The following DPYD variants were observed in gnomAD, a reference collection of about 807,000 sequenced individuals.
The protein encoded by DPYD is dihydropyrimidine dehydrogenase.
A neutral mutation model predicts 116.2 loss-of-function variants in DPYD; 109 were observed. The observed-to-expected ratio is 0.94, with a 90% confidence interval of 0.80 to 1.10. The LOEUF (loss-of-function observed/expected upper bound fraction) is 1.10, where lower values mean the gene tolerates loss of function less well. DPYD is among the 50% of genes least tolerant of loss of function. The pLI, the probability that DPYD is intolerant of heterozygous loss-of-function variation, is 0.00. For synonymous variants in DPYD, 440 were observed against 432.0 expected (o/e 1.02, Z -0.23); for missense variants, 1,302 against 1,254.5 (o/e 1.04, Z -0.57).
chr1:97,594,964 G>A, intron 9 of DPYD, 95 bp downstream of exon 9: 1 of 1,000,112 alleles, frequency 1.0e-6, no homozygotes, highest in South Asian at 1.4e-5. Flanking sequence ...GGGTGTGAGA[G>A]CTGAACAATG....
chr1:97,388,844 G>C (rs1306805312), intron 14 of DPYD, among the ~76,000 whole-genome samples: 1 of 151,996 alleles, frequency 6.6e-6, no homozygotes, highest in Non-Finnish European at 1.5e-5. Context: ...AAAATGATTT[G>C]GGAAAGAGAA....
At chr1:97,472,574 T>C (rs1677722966) in intron 13 of DPYD, among the ~76,000 whole-genome samples, 4 of 152,240 alleles carry the variant, frequency 2.6e-5, no homozygotes, top group Non-Finnish European at 5.9e-5. Flanking sequence ...GCCAGGGCAC[T>C]AATTGACAGC....
At chr1:97,494,390 T>C (rs1679136968) in intron 13 of DPYD, among the ~76,000 whole-genome samples, 1 of 152,114 alleles carries the variant, frequency 6.6e-6, no homozygotes, top group South Asian at 2.1e-4. Flanking sequence ...TTTAGCATGA[T>C]AGAACTGAAA....
intron 16 of DPYD, among the ~76,000 whole-genome samples, chr1:97,372,746 A>G (rs961834204): frequency 1.3e-5 from 2 of 148,604 alleles, no homozygotes; most frequent in Admixed American, 6.7e-5. Context: ...ACTTGAGAGA[A>G]AAAAAAAAAG....
At chr1:97,547,322 G>A (rs1650973107) in intron 12 of DPYD, among the ~76,000 whole-genome samples, 1 of 152,138 alleles carries the variant, frequency 6.6e-6, no homozygotes, top group Non-Finnish European at 1.5e-5. Context: ...AGGAGGCAAA[G>A]TAGGGAACCA....
intron 2 of DPYD, among the ~76,000 whole-genome samples, chr1:97,878,763 A>G (rs1672040548): frequency 6.6e-6 from 1 of 151,954 alleles, no homozygotes. Context: ...CTGATCATTA[A>G]AACGCCTTAA....
chr1:97,210,394 A>G (rs1659958866), intron 19 of DPYD, among the ~76,000 whole-genome samples: 1 of 152,132 alleles, frequency 6.6e-6, no homozygotes. Flanking sequence ...TATTTCTGAG[A>G]ATGACAAGAG....
intron 20 of DPYD, among the ~76,000 whole-genome samples, chr1:97,134,769 C>T (rs1450886068): frequency 6.6e-6 from 1 of 152,056 alleles, no homozygotes; most frequent in African/African-American, 2.4e-5. Context: ...TCTGCAGGGC[C>T]ACGTGAGATG....
At chr1:97,085,914 C>T (rs1649480585) in intron 21 of DPYD, among the ~76,000 whole-genome samples, 1 of 152,282 alleles carries the variant, frequency 6.6e-6, no homozygotes, top group South Asian at 2.1e-4. Flanking sequence ...AATGTTAAAT[C>T]TTTTAAATTA....
intron 7 of DPYD, chr1:97,691,100 C>A (rs1220420293): frequency 6.6e-6 from 1 of 151,926 alleles, no homozygotes; most frequent in African/African-American, 2.4e-5. Context: ...AAGTGAAGAG[C>A]TAGAATATAA....
At chr1:97,857,835 G>C (rs1288704804) in intron 2 of DPYD, among the ~76,000 whole-genome samples, 1 of 151,978 alleles carries the variant, frequency 6.6e-6, no homozygotes, top group Non-Finnish European at 1.5e-5. Flanking sequence ...TGTCTGAAAG[G>C]GGTGCAGTCT....
At chr1:97,154,369 A>G (rs1655274389) in intron 20 of DPYD, among the ~76,000 whole-genome samples, 2 of 152,226 alleles carry the variant, frequency 1.3e-5, no homozygotes, top group African/African-American at 4.8e-5. Flanking sequence ...ACTGACTATT[A>G]TTCTAAGTGA....
chr1:97,308,442 A>C (rs1667293502), intron 16 of DPYD: 1 of 151,836 alleles, frequency 6.6e-6, no homozygotes, highest in South Asian at 2.1e-4. Context: ...CAGTTTGGCT[A>C]CCTGAGAATT....
intron 7 of DPYD, among the ~76,000 whole-genome samples, chr1:97,679,900 T>C (rs1660343877): frequency 6.6e-6 from 1 of 152,124 alleles, no homozygotes; most frequent in Non-Finnish European, 1.5e-5. Flanking sequence ...CCCTAGTCCT[T>C]TCCCAAAGGA....
chr1:97,616,253 T>C (rs763342495), intron 8 of DPYD, among the ~76,000 whole-genome samples: 7 of 152,144 alleles, frequency 4.6e-5, no homozygotes, highest in African/African-American at 7.2e-5. Context: ...AATGAAGGAA[T>C]GGTAAATTCA....
At chr1:97,488,148 A>C (rs1170056742) in intron 13 of DPYD, among the ~76,000 whole-genome samples, 1 of 152,144 alleles carries the variant, frequency 6.6e-6, no homozygotes, top group Non-Finnish European at 1.5e-5. Context: ...TCTCAAGGGT[A>C]TGATGCTTAT....
At position 97,886,039 on chromosome 1, in the gene DPYD, A is replaced by C. The variant is rs566051846; in HGVS notation, c.40-2665T>G. Reference sequence around the variant, plus strand: ...ACATATAACTGCAAAAATAGTAAAAATGAAAACTCTTTGAAGTCTCTGGAA... The same window carrying C: ...ACATATAACTGCAAAAATAGTAAAACTGAAAACTCTTTGAAGTCTCTGGAA... On this transcript the variant is annotated intron_variant, in intron 1 of 22. Transcript: ENST00000370192. Among the ~76,000 whole-genome samples, 3 of 152,234 alleles carry C rather than the reference A, an allele frequency of 2.0e-5. No homozygotes were observed. In the East Asian group the frequency reaches 5.8e-4, roughly 30 times the overall value.
chr1:97,848,390 C>T (rs995784514), intron 2 of DPYD, among the ~76,000 whole-genome samples: 1 of 152,216 alleles, frequency 6.6e-6, no homozygotes, highest in African/African-American at 2.4e-5. Context: ...ACAAATACCA[C>T]TTCTATTTAA....
chr1:97,652,038 A>G (rs1203166553), intron 8 of DPYD, among the ~76,000 whole-genome samples: 2 of 152,086 alleles, frequency 1.3e-5, no homozygotes, highest in Non-Finnish European at 2.9e-5. Context: ...TTATTCTCTA[A>G]GTAAATAAAT....
Sources: gnomAD v4.1 joint callset for allele counts (sites outside exome capture counted in the v4.1 genomes callset) on GRCh38, gnomAD v4.1.1 for gene constraint, MANE v1.5 for transcripts, NCBI Gene and HGNC (gene_info 2026-07-23, HGNC 2026-07-21) for gene names.